TTLL11: variants seen among roughly 807,000 people sequenced by gnomAD.
The protein encoded by TTLL11 is tubulin tyrosine ligase like 11.
A neutral mutation model predicts 51.7 loss-of-function variants in TTLL11; 42 were observed. That is an observed-to-expected ratio of 0.81 (90% CI 0.64 to 1.05). TTLL11 has a LOEUF of 1.05. Among genes scored for constraint, TTLL11 ranks in the 50% least tolerant of loss-of-function variants. The pLI is 0.00. For synonymous variants in TTLL11, 381 were observed against 383.5 expected (o/e 0.99, Z 0.08); for missense variants, 799 against 940.4 (o/e 0.85, Z 1.97).
chr9:122,000,748 T>C (rs1843435558), intron 3 of TTLL11, among the ~76,000 whole-genome samples: 1 of 152,218 alleles, frequency 6.6e-6, no homozygotes, highest in Non-Finnish European at 1.5e-5. Context: ...TCGGGGCTGT[T>C]GTATGGAGAA....
intron 8 of TTLL11, among the ~76,000 whole-genome samples, chr9:121,828,806 A>G (rs1371788040): frequency 1.3e-5 from 2 of 152,044 alleles, no homozygotes; most frequent in African/African-American, 4.8e-5. Flanking sequence ...AAAATACCTA[A>G]AACCTTACAG....
chr9:122,077,781 A>G (rs1010687037), intron 1 of TTLL11, among the ~76,000 whole-genome samples: 5 of 151,590 alleles, frequency 3.3e-5, no homozygotes, highest in Non-Finnish European at 7.4e-5. Flanking sequence ...TCAAGCATAC[A>G]TGGAACATTT....
At chr9:121,906,083 A>G (rs1473055861) in intron 6 of TTLL11, among the ~76,000 whole-genome samples, 1 of 152,232 alleles carries the variant, frequency 6.6e-6, no homozygotes, top group African/African-American at 2.4e-5. Context: ...TATTTCACAC[A>G]GGAGTATGGG....
chr9:122,001,171 T>C (rs1843451752), intron 3 of TTLL11, among the ~76,000 whole-genome samples: 1 of 152,150 alleles, frequency 6.6e-6, no homozygotes, highest in Non-Finnish European at 1.5e-5. Context: ...TCTCGGCTCA[T>C]TGCAACTGCG....
At chr9:121,852,991 C>T (rs923437392) in intron 8 of TTLL11, among the ~76,000 whole-genome samples, 5 of 152,224 alleles carry the variant, frequency 3.3e-5, no homozygotes, top group African/African-American at 7.2e-5. Flanking sequence ...AAGGAGACTG[C>T]GCTCAACATT....
intron 3 of TTLL11, among the ~76,000 whole-genome samples, chr9:121,990,080 T>C (rs1302055447): frequency 1.3e-5 from 2 of 152,246 alleles, no homozygotes; most frequent in Non-Finnish European, 2.9e-5. Flanking sequence ...TAACTAATAA[T>C]AGTGCTGAGA....
At chr9:121,851,263 C>G (rs1360469797) in intron 8 of TTLL11, among the ~76,000 whole-genome samples, 1 of 152,132 alleles carries the variant, frequency 6.6e-6, no homozygotes, top group African/African-American at 2.4e-5. Flanking sequence ...CTACATTTGT[C>G]AAATGTCAAA....
At chr9:121,838,407 C>A (rs1837242742) in intron 8 of TTLL11, among the ~76,000 whole-genome samples, 2 of 152,170 alleles carry the variant, frequency 1.3e-5, no homozygotes, top group Non-Finnish European at 2.9e-5. Flanking sequence ...AATACAGCAT[C>A]CAGAATGACC....
chr9:121,933,500 A>G (rs767631729), intron 6 of TTLL11, among the ~76,000 whole-genome samples: 1 of 152,172 alleles, frequency 6.6e-6, no homozygotes, highest in Non-Finnish European at 1.5e-5. Flanking sequence ...ACCTCTGTCT[A>G]GTGTGGAGAT....
chr9:121,876,822 C>T (rs1273439020), intron 6 of TTLL11, among the ~76,000 whole-genome samples: 1 of 152,184 alleles, frequency 6.6e-6, no homozygotes, highest in African/African-American at 2.4e-5. Flanking sequence ...TTGGATCTCA[C>T]CCCAGACCTA....
chr9:121,982,419 GAA>G (rs879582463), intron 4 of TTLL11, among the ~76,000 whole-genome samples: 1 of 152,124 alleles, frequency 6.6e-6, no homozygotes, highest in East Asian at 1.9e-4. Flanking sequence ...TAAAGTGAGA[GAA>G]TAAGTCATTT....
chr9:122,069,148 G>A (rs1433161949), intron 1 of TTLL11, among the ~76,000 whole-genome samples: 1 of 151,502 alleles, frequency 6.6e-6, no homozygotes. Context: ...ACCAAGAAAT[G>A]CAAAACCCCT....
chr9:122,029,032 G>T (rs758270305), intron 3 of TTLL11, among the ~76,000 whole-genome samples: 4 of 152,172 alleles, frequency 2.6e-5, no homozygotes, highest in Non-Finnish European at 5.9e-5. Context: ...TGCCTAGAAA[G>T]AAATTTGTTT....
chr9:121,953,984 G>A (rs1212904888), intron 6 of TTLL11, among the ~76,000 whole-genome samples: 1 of 152,174 alleles, frequency 6.6e-6, no homozygotes, highest in East Asian at 1.9e-4. Flanking sequence ...TCAAGCCCAA[G>A]CCCTTGCTGA....
intron 4 of TTLL11, among the ~76,000 whole-genome samples, chr9:121,987,360 A>AG (rs1181885815): frequency 6.6e-6 from 1 of 152,184 alleles, no homozygotes; most frequent in Non-Finnish European, 1.5e-5. Flanking sequence ...AGGGTCCCAG[A>AG]GGTACCCCTT....
At chr9:121,906,004 C>A (rs1003017662) in intron 6 of TTLL11, among the ~76,000 whole-genome samples, 1 of 152,102 alleles carries the variant, frequency 6.6e-6, no homozygotes, top group African/African-American at 2.4e-5. Context: ...ATGAAGTTAA[C>A]TACTGAGATC....
intron 3 of TTLL11, among the ~76,000 whole-genome samples, chr9:122,009,552 T>G (rs1041618180): frequency 6.6e-6 from 1 of 151,776 alleles, no homozygotes. Flanking sequence ...ATGTACTCTA[T>G]ATACCATAAT....
chr9:121,918,387 A>G (rs1172129637), intron 6 of TTLL11, among the ~76,000 whole-genome samples: 5 of 152,190 alleles, frequency 3.3e-5, no homozygotes. Flanking sequence ...AGAGGGTAGC[A>G]ACTGCCATCT....
chr9:121,954,701 C>CACACAG (rs1398622291), intron 6 of TTLL11, among the ~76,000 whole-genome samples: 2 of 114,562 alleles, frequency 1.7e-5, no homozygotes, highest in African/African-American at 2.9e-5. Context: ...CACACACAGA[C>CACACAG]ACACACACAC....
Sources: gnomAD v4.1 joint callset for allele counts (sites outside exome capture counted in the v4.1 genomes callset) on GRCh38, gnomAD v4.1.1 for gene constraint, MANE v1.5 for transcripts, NCBI Gene and HGNC (gene_info 2026-07-23, HGNC 2026-07-21) for gene names.